The following LRRTM3 variants were observed in gnomAD, a reference collection of about 807,000 sequenced individuals.
LRRTM3 encodes leucine-rich repeat transmembrane neuronal protein 3.
LRRTM3 carries 24 observed loss-of-function variants against 44.7 expected under a neutral mutation model. The observed-to-expected ratio is 0.54, with a 90% CI of 0.39 to 0.76. The LOEUF is 0.76. LRRTM3 is among the 30% of genes least tolerant of loss of function. LRRTM3 has a pLI of 0.00. For missense variants in LRRTM3, 587 were observed against 702.2 expected, an observed-to-expected ratio of 0.84 and a Z score of 1.85; for synonymous variants, 277 against 278.7, an observed-to-expected ratio of 0.99 and a Z score of 0.06.
intron 2 of LRRTM3, among the ~76,000 whole-genome samples, chr10:66,958,768 C>G (rs1351100128): frequency 6.6e-6 from 1 of 152,130 alleles, no homozygotes; most frequent in Non-Finnish European, 1.5e-5. Context: ...TTTTGATTCT[C>G]ACACTCTTGC....
chr10:66,937,262 A>G (rs1847757985), intron 2 of LRRTM3, among the ~76,000 whole-genome samples: 1 of 152,194 alleles, frequency 6.6e-6, no homozygotes, highest in Non-Finnish European at 1.5e-5. Flanking sequence ...CCTAATAAAA[A>G]TGTGTAAAAC....
At chr10:66,932,605 A>G (rs1292222710) in intron 2 of LRRTM3, among the ~76,000 whole-genome samples, 4 of 152,204 alleles carry the variant, frequency 2.6e-5, no homozygotes, top group Non-Finnish European at 5.9e-5. Flanking sequence ...ACAACAGAAT[A>G]TATAGGTAAA....
intron 2 of LRRTM3, among the ~76,000 whole-genome samples, chr10:67,090,600 C>A (rs1857573608): frequency 6.6e-6 from 1 of 152,116 alleles, no homozygotes; most frequent in Non-Finnish European, 1.5e-5. Flanking sequence ...CTATCTAAGT[C>A]TTCCTTTTCT....
At chr10:67,063,148 A>G (rs114392403) in intron 2 of LRRTM3, among the ~76,000 whole-genome samples, 78 of 152,286 alleles carry the variant, frequency 5.1e-4, no homozygotes, top group African/African-American at 1.8e-3. Flanking sequence ...AGGAAAACAT[A>G]TTTTAACACA....
chr10:66,973,650 G>T (rs1211891365), intron 2 of LRRTM3, among the ~76,000 whole-genome samples: 1 of 152,056 alleles, frequency 6.6e-6, no homozygotes, highest in Non-Finnish European at 1.5e-5. Flanking sequence ...TTTCAAGACG[G>T]AGTCTCACTG....
At chr10:67,054,281 C>T (rs183090348) in intron 2 of LRRTM3, among the ~76,000 whole-genome samples, 278 of 152,078 alleles carry the variant, frequency 1.8e-3, no homozygotes, top group South Asian at 4.6e-3. Flanking sequence ...TACCCCAGAA[C>T]ATCAGGAAGA....
At chr10:67,009,436 T>G (rs915919720) in intron 2 of LRRTM3, among the ~76,000 whole-genome samples, 1 of 152,166 alleles carries the variant, frequency 6.6e-6, no homozygotes, top group Non-Finnish European at 1.5e-5. Context: ...CGTGTTTCTC[T>G]CCCATTTCTC....
At chr10:66,999,345 C>G (rs1251141883) in intron 2 of LRRTM3, among the ~76,000 whole-genome samples, 1 of 151,962 alleles carries the variant, frequency 6.6e-6, no homozygotes, top group Non-Finnish European at 1.5e-5. Flanking sequence ...GGCCTTCTGC[C>G]TAACATTTTC....
chr10:66,975,216 A>G (rs1295887225), intron 2 of LRRTM3, among the ~76,000 whole-genome samples: 1 of 152,228 alleles, frequency 6.6e-6, no homozygotes, highest in Non-Finnish European at 1.5e-5. Context: ...ATTTGATAAG[A>G]GGGAACACTT....
intron 2 of LRRTM3, among the ~76,000 whole-genome samples, chr10:67,048,168 T>C (rs1854866227): frequency 6.6e-6 from 1 of 152,082 alleles, no homozygotes; most frequent in Non-Finnish European, 1.5e-5. Context: ...TCCCCTGCCA[T>C]GTTCATGAGG....
At chr10:67,019,427 A>G (rs1319617666) in intron 2 of LRRTM3, among the ~76,000 whole-genome samples, 1 of 152,148 alleles carries the variant, frequency 6.6e-6, no homozygotes, top group Admixed American at 6.5e-5. Flanking sequence ...CACATTGGTC[A>G]AGCTGGTCAC....
At chr10:66,977,415 A>G (rs1021961899) in intron 2 of LRRTM3, among the ~76,000 whole-genome samples, 5 of 138,320 alleles carry the variant, frequency 3.6e-5, no homozygotes, top group Non-Finnish European at 7.8e-5. Flanking sequence ...CAGCCTGGCG[A>G]TAGAGTGAAA....
chr10:67,001,974 G>A (rs1851714269), intron 2 of LRRTM3, among the ~76,000 whole-genome samples: 1 of 152,194 alleles, frequency 6.6e-6, no homozygotes, highest in African/African-American at 2.4e-5. Context: ...GAAGCAGAGA[G>A]TGCAGAAATG....
intron 2 of LRRTM3, among the ~76,000 whole-genome samples, chr10:66,996,743 C>T (rs1010904117): frequency 2.0e-5 from 3 of 146,742 alleles, no homozygotes; most frequent in Non-Finnish European, 4.5e-5. Flanking sequence ...GCTTGCTCAA[C>T]TTATTGGAAA....
At chr10:67,030,580 T>C (rs1853653870) in intron 2 of LRRTM3, among the ~76,000 whole-genome samples, 1 of 151,872 alleles carries the variant, frequency 6.6e-6, no homozygotes, top group South Asian at 2.1e-4. Context: ...TATATTTTTA[T>C]GAAGATAAAT....
chr10:66,976,781 C>A (rs551367607), intron 2 of LRRTM3, among the ~76,000 whole-genome samples: 1 of 152,234 alleles, frequency 6.6e-6, no homozygotes, highest in African/African-American at 2.4e-5. Context: ...CTTTAAATTT[C>A]ATGTAAATGA....
intron 2 of LRRTM3, among the ~76,000 whole-genome samples, chr10:66,942,753 A>G (rs770443296): frequency 1.4e-4 from 22 of 152,142 alleles, no homozygotes; most frequent in Non-Finnish European, 3.2e-4. Flanking sequence ...ATTACAGTAA[A>G]CCAAAATGGT....
intron 2 of LRRTM3, among the ~76,000 whole-genome samples, chr10:67,029,641 C>T (rs558406749): frequency 5.9e-5 from 9 of 152,212 alleles, no homozygotes; most frequent in African/African-American, 2.2e-4. Context: ...TTTCTCATTG[C>T]CTTTAAAAAT....
intron 2 of LRRTM3, among the ~76,000 whole-genome samples, chr10:67,063,412 C>G (rs935393883): frequency 3.3e-5 from 5 of 152,114 alleles, no homozygotes; most frequent in African/African-American, 1.2e-4. Context: ...GGGTCTCAAT[C>G]AGGAGTTAAA....
Sources: gnomAD v4.1 joint callset for allele counts (sites outside exome capture counted in the v4.1 genomes callset) on GRCh38, gnomAD v4.1.1 for gene constraint, MANE v1.5 for transcripts, NCBI Gene and HGNC (gene_info 2026-07-23, HGNC 2026-07-21) for gene names.